Variants in XKR6 observed in about 807,000 individuals in gnomAD.
The protein encoded by XKR6 is XK related 6.
In XKR6, 22 loss-of-function variants were observed where a neutral mutation model predicts 56.7. The ratio of observed to expected loss-of-function variants is 0.39; its 90% CI spans 0.28 to 0.55. XKR6 has a LOEUF of 0.55. Among genes scored for constraint, XKR6 ranks in the 20% least tolerant of loss-of-function variants. The pLI is 0.66. For missense variants in XKR6, 852 were observed against 889.0 expected, an observed-to-expected ratio of 0.96 and a Z score of 0.53; for synonymous variants, 524 against 387.8, an observed-to-expected ratio of 1.35 and a Z score of -4.13.
At chr8:11,104,503 G>T (rs918112268) in intron 1 of XKR6, among the ~76,000 whole-genome samples, 1 of 152,216 alleles carries the variant, frequency 6.6e-6, no homozygotes, top group Non-Finnish European at 1.5e-5. Flanking sequence ...GAAGGCAATC[G>T]CCACACAGCC....
chr8:10,902,123 T>C (rs1333139043), intron 2 of XKR6, among the ~76,000 whole-genome samples: 1 of 152,186 alleles, frequency 6.6e-6, no homozygotes, highest in Non-Finnish European at 1.5e-5. Context: ...TTGCGGCTTC[T>C]AGAATTTCGC....
At chr8:11,120,862 G>C (rs889321241) in intron 1 of XKR6, among the ~76,000 whole-genome samples, 36 of 152,270 alleles carry the variant, frequency 2.4e-4, no homozygotes, top group African/African-American at 8.4e-4. Flanking sequence ...GAACAGATCA[G>C]AGCCCTCAGA....
intron 1 of XKR6, among the ~76,000 whole-genome samples, chr8:11,180,625 G>A (rs897677609): frequency 6.6e-6 from 1 of 152,172 alleles, no homozygotes; most frequent in African/African-American, 2.4e-5. Flanking sequence ...GTCATGACTG[G>A]ACGGCACAGT....
At chr8:11,149,402 C>T (rs1801153182) in intron 1 of XKR6, among the ~76,000 whole-genome samples, 1 of 152,138 alleles carries the variant, frequency 6.6e-6, no homozygotes, top group Non-Finnish European at 1.5e-5. Flanking sequence ...TATGCAACCA[C>T]CGTCGTATAT....
intron 2 of XKR6, among the ~76,000 whole-genome samples, chr8:10,915,068 A>G (rs961642974): frequency 6.6e-6 from 1 of 152,196 alleles, no homozygotes; most frequent in African/African-American, 2.4e-5. Context: ...TTCGCTGCAC[A>G]TGGCTCTGCC....
At chr8:11,013,048 G>A (rs1798536296) in intron 1 of XKR6, among the ~76,000 whole-genome samples, 1 of 152,158 alleles carries the variant, frequency 6.6e-6, no homozygotes, top group Admixed American at 6.5e-5. Context: ...CCCAGGGAGG[G>A]GAAGTGAATT....
intron 1 of XKR6, among the ~76,000 whole-genome samples, chr8:11,142,367 C>G: frequency 6.6e-6 from 1 of 152,152 alleles, no homozygotes; most frequent in East Asian, 1.9e-4. Flanking sequence ...CAAAAGGACT[C>G]AGGAGTCAAT....
chr8:11,199,575 C>G (rs1330485697), intron 1 of XKR6, among the ~76,000 whole-genome samples: 3 of 152,178 alleles, frequency 2.0e-5, no homozygotes, highest in Non-Finnish European at 1.5e-5. Context: ...CTCTCACCTA[C>G]AACTCACTGT....
chr8:11,156,207 T>G (rs914875884), intron 1 of XKR6, among the ~76,000 whole-genome samples: 1 of 152,240 alleles, frequency 6.6e-6, no homozygotes, highest in Non-Finnish European at 1.5e-5. Context: ...AATTCTGAAG[T>G]GCATCATGCT....
intron 1 of XKR6, chr8:11,194,910 C>G: frequency 1.9e-6 from 1 of 532,268 alleles, no homozygotes. Context: ...TGCTGCATCC[C>G]CAGTTGCAAT....
At chr8:11,185,063 G>C (rs779329782) in intron 1 of XKR6, among the ~76,000 whole-genome samples, 1 of 152,112 alleles carries the variant, frequency 6.6e-6, no homozygotes, top group African/African-American at 2.4e-5. Context: ...GGGCACATTA[G>C]GTTTATTAAC....
chr8:10,912,913 G>C (rs904162990), intron 2 of XKR6, among the ~76,000 whole-genome samples: 1 of 150,558 alleles, frequency 6.6e-6, no homozygotes. Flanking sequence ...GAGAGGGCGA[G>C]TATATCTATA....
intron 1 of XKR6, among the ~76,000 whole-genome samples, chr8:10,974,259 T>A (rs968480187): frequency 1.3e-5 from 2 of 152,234 alleles, no homozygotes; most frequent in South Asian, 4.1e-4. Flanking sequence ...CTTTAGTGAA[T>A]AAGCCGGGAA....
At chr8:11,138,332 A>T (rs1176082181) in intron 1 of XKR6, 1 of 152,494 alleles carries the variant, frequency 6.6e-6, no homozygotes, top group African/African-American at 2.4e-5. Flanking sequence ...TACTGAGGGA[A>T]GAGGACACTG....
chr8:11,101,458 ACTCT>A (rs371518098), intron 1 of XKR6, among the ~76,000 whole-genome samples: 16 of 151,960 alleles, frequency 1.1e-4, no homozygotes, highest in African/African-American at 3.4e-4. Flanking sequence ...ATTTTTGTGC[ACTCT>A]CTAAAATTAT....
intron 1 of XKR6, among the ~76,000 whole-genome samples, chr8:10,929,597 C>T (rs1355380552): frequency 6.6e-6 from 1 of 152,234 alleles, no homozygotes; most frequent in African/African-American, 2.4e-5. Flanking sequence ...CCTTCCAGCT[C>T]TGCCACCTGG....
intron 1 of XKR6, among the ~76,000 whole-genome samples, chr8:11,031,689 CTAG>C (rs1563356732): frequency 2.7e-5 from 4 of 150,738 alleles, no homozygotes; most frequent in African/African-American, 1.0e-4. Context: ...TTGCAGCATT[CTAG>C]AAGAAGACAT....
chr8:11,198,325 C>A (rs1804001658), intron 1 of XKR6, among the ~76,000 whole-genome samples: 1 of 152,026 alleles, frequency 6.6e-6, no homozygotes, highest in African/African-American at 2.4e-5. Flanking sequence ...TAAAATCCTT[C>A]CTCAGTAAAT....
At chr8:10,928,776 C>T (rs890640173) in intron 1 of XKR6, among the ~76,000 whole-genome samples, 1 of 152,180 alleles carries the variant, frequency 6.6e-6, no homozygotes, top group Non-Finnish European at 1.5e-5. Context: ...CCTCCAAGCC[C>T]CCTCCTTCTC....
Sources: allele counts gnomAD v4.1 joint callset (sites outside exome capture counted in the v4.1 genomes callset), GRCh38; gene constraint gnomAD v4.1.1; transcripts MANE v1.5; gene names NCBI Gene and HGNC (gene_info 2026-07-23, HGNC 2026-07-21).